PPP4R4: variants seen among roughly 807,000 people sequenced by gnomAD.
PPP4R4 encodes protein phosphatase 4 regulatory subunit 4.
Under a neutral mutation model 121.8 loss-of-function variants are expected in PPP4R4, and 70 were observed. The ratio of observed to expected loss-of-function variants is 0.57; its 90% CI spans 0.47 to 0.70. The LOEUF is 0.70. PPP4R4 is among the 30% of genes least tolerant of loss of function. The pLI is 0.00. For missense variants in PPP4R4, 875 were observed against 1,033.6 expected (o/e 0.85, Z 2.10); for synonymous variants, 348 against 355.7 (o/e 0.98, Z 0.24).
intron 3 of PPP4R4, among the ~76,000 whole-genome samples, chr14:94,209,932 T>C (rs1890655789): frequency 6.6e-6 from 1 of 152,112 alleles, no homozygotes; most frequent in Non-Finnish European, 1.5e-5. Context: ...CAGTGAACTT[T>C]AGAGGTCTCT....
intron 1 of PPP4R4, 132 bp downstream of exon 1, chr14:94,174,714 C>CCACCCCTCCT: frequency 1.2e-5 from 17 of 1,425,754 alleles, no homozygotes; most frequent in Non-Finnish European, 1.6e-5. Context: ...TCGGGCCGGC[C>CCACCCCTCCT]CCTCCTCCTC....
chr14:94,182,911 A>G (rs145075516), intron 2 of PPP4R4, among the ~76,000 whole-genome samples: 405 of 152,284 alleles, frequency 2.7e-3, no homozygotes, highest in Non-Finnish European at 5.0e-3. Flanking sequence ...GTCCCAGCCT[A>G]TATATTTTTA....
At chr14:94,248,585 A>C (rs1893016144) in intron 14 of PPP4R4, among the ~76,000 whole-genome samples, 1 of 152,180 alleles carries the variant, frequency 6.6e-6, no homozygotes, top group Non-Finnish European at 1.5e-5. Flanking sequence ...TAGCCAGCGC[A>C]ATCTTCAGCT....
intron 14 of PPP4R4, among the ~76,000 whole-genome samples, chr14:94,248,358 G>A (rs1170560976): frequency 1.3e-5 from 2 of 152,218 alleles, no homozygotes; most frequent in East Asian, 3.9e-4. Flanking sequence ...CCAAGGAGGC[G>A]AAAGAGCTCT....
chr14:94,208,593 GT>G, intron 3 of PPP4R4, 27 bp downstream of exon 3: 1 of 1,555,742 alleles, frequency 6.4e-7, no homozygotes, highest in Non-Finnish European at 8.8e-7. Context: ...TAAGATTGGA[GT>G]TTCCCATTTT....
At chr14:94,199,143 G>C (rs988773282) in intron 2 of PPP4R4, among the ~76,000 whole-genome samples, 3 of 152,188 alleles carry the variant, frequency 2.0e-5, no homozygotes, top group African/African-American at 7.2e-5. Context: ...TTGAGTCTTT[G>C]ATACTTGAAT....
chr14:94,260,585 A>G (rs1404036371), intron 19 of PPP4R4, among the ~76,000 whole-genome samples: 1 of 152,018 alleles, frequency 6.6e-6, no homozygotes, highest in South Asian at 2.1e-4. Flanking sequence ...CCTGATGCCT[A>G]AAGATGTCAA....
chr14:94,247,154 A>G (rs1485174981), intron 14 of PPP4R4, among the ~76,000 whole-genome samples: 1 of 152,252 alleles, frequency 6.6e-6, no homozygotes. Flanking sequence ...TACTTTTTTC[A>G]CAGAAATTTC....
intron 1 of PPP4R4, chr14:94,175,770 C>A (rs2139364569): frequency 4.5e-6 from 2 of 445,038 alleles, no homozygotes; most frequent in East Asian, 6.8e-5. Context: ...TGGATTTCAG[C>A]CAAGGTTCTG....
chr14:94,237,215 C>T (rs919979211), intron 7 of PPP4R4, among the ~76,000 whole-genome samples: 1 of 152,044 alleles, frequency 6.6e-6, no homozygotes, highest in Non-Finnish European at 1.5e-5. Context: ...GCAGTTACTA[C>T]TGATAAGTTT....
chr14:94,209,255 G>A (rs748715335), intron 3 of PPP4R4, among the ~76,000 whole-genome samples: 19 of 152,174 alleles, frequency 1.2e-4, no homozygotes, highest in African/African-American at 4.6e-4. Context: ...TCCTCCAAGA[G>A]TTTACCTACT....
At chr14:94,271,743 A>T (rs975182551) in intron 23 of PPP4R4, among the ~76,000 whole-genome samples, 2 of 152,194 alleles carry the variant, frequency 1.3e-5, no homozygotes, top group Admixed American at 6.5e-5. Context: ...TAGAAAATCC[A>T]CAAGAATTGG....
chr14:94,255,897 C>A (rs1178158415), intron 16 of PPP4R4, among the ~76,000 whole-genome samples: 1 of 152,092 alleles, frequency 6.6e-6, no homozygotes, highest in East Asian at 1.9e-4. Flanking sequence ...TCTTATTTAC[C>A]ACTCTGAGCT....
chr14:94,276,694 C>G (rs554379261), intron 24 of PPP4R4, among the ~76,000 whole-genome samples: 1 of 152,252 alleles, frequency 6.6e-6, no homozygotes, highest in East Asian at 1.9e-4. Flanking sequence ...TCCAGCATTG[C>G]AGATTACAAT....
intron 23 of PPP4R4, among the ~76,000 whole-genome samples, chr14:94,272,165 G>A (rs1046880071): frequency 5.3e-5 from 8 of 152,162 alleles, no homozygotes; most frequent in Non-Finnish European, 1.2e-4. Context: ...AAACTGTTGC[G>A]AAGTTTACCT....
At position 94,258,765 on chromosome 14, in the gene PPP4R4, T is replaced by G; in HGVS notation, c.2011-18T>G. On this transcript the variant is annotated intron_variant, in intron 17 of 24. Transcript: ENST00000304338. Reference sequence around the variant, plus strand: ...TAATTTAATTACTTTAGAATAATTTTAAAAACTTTCCTTATAGACTGTATT... The same window carrying G: ...TAATTTAATTACTTTAGAATAATTTGAAAAACTTTCCTTATAGACTGTATT... The G allele has an allele frequency of 6.5e-7, 1 of 1,534,540 alleles. No individual in the cohort carries two copies. The highest frequency in any genetic ancestry group is 9.0e-7 in the Non-Finnish European group (1 of 1,113,244).
rs144897574 is a variant in PPP4R4, at chr14:94,213,305, G to A, written c.294+4739G>A. ...CTCAAGCCTTAGTCATCTCCTGTCT[G>A]TACTACAGCAGCCTCCTCACTGAGT... On this transcript the variant is annotated intron_variant, in intron 3 of 24. Transcript: ENST00000304338. Among the ~76,000 whole-genome samples the A allele has an allele frequency of 5.6e-3, 857 of 152,230 alleles. 8 individuals are homozygous for A. Among genetic ancestry groups the A allele is most frequent in the African/African-American group, 0.018 (767 of 41,524 alleles).
At position 94,231,329 on chromosome 14, in the gene PPP4R4, G is replaced by A. The variant is rs994532355; in HGVS notation, c.516+14G>A. 5.1e-6 allele frequency: 8 copies of A among 1,584,022 alleles called. No individual in the cohort carries two copies. The African/African-American group carries it at 1.1e-4, about 21-fold the overall frequency. On this transcript the variant is annotated intron_variant, in intron 5 of 24. Coordinates refer to ENST00000304338, the MANE Select transcript of PPP4R4 (RefSeq NM_058237.2). ...CTACGGCATGAGGTAATACTTTCATGGGGGCAAATACTAATAAGTAAGTCA... is the reference window on the plus strand; with the variant it reads ...CTACGGCATGAGGTAATACTTTCATAGGGGCAAATACTAATAAGTAAGTCA...
Position 94,174,427 on chromosome 14 carries a change from G to A in PPP4R4, c.-39G>A. 6.7e-7 allele frequency: 1 copy of A among 1,502,062 alleles called. No individual in the cohort carries two copies. The highest frequency in any genetic ancestry group is 8.9e-7 in the Non-Finnish European group (1 of 1,125,072). 93.0% of individuals were successfully genotyped at this position (1,502,062 alleles called of 1,614,324 possible). A position where few individuals can be genotyped will look rare whatever the true frequency, so the allele number is the denominator to read the frequency against. Reference sequence around the variant, plus strand: ...GGGCTGAGGGCGTCCGGCATCCCGGGGCCGCTCCGGCCCGGGCGGCGAGAG... The same window carrying A: ...GGGCTGAGGGCGTCCGGCATCCCGGAGCCGCTCCGGCCCGGGCGGCGAGAG... On this transcript the variant is annotated 5_prime_UTR_variant, in exon 1 of 25. Transcript: ENST00000304338.
Sources: gnomAD v4.1 joint callset for allele counts (sites outside exome capture counted in the v4.1 genomes callset) on GRCh38, gnomAD v4.1.1 for gene constraint, MANE v1.5 for transcripts, NCBI Gene and HGNC (gene_info 2026-07-23, HGNC 2026-07-21) for gene names.